The following NLRP5 variants were observed in gnomAD, a reference collection of about 807,000 sequenced individuals.
NLRP5 encodes the protein NACHT, LRR and PYD domains-containing protein 5.
NLRP5 carries 93 observed loss-of-function variants against 113.1 expected under a neutral mutation model. That is an observed-to-expected ratio of 0.82 (90% CI 0.70 to 0.98). The LOEUF (loss-of-function observed/expected upper bound fraction) is 0.98. NLRP5 is among the 50% of genes least tolerant of loss of function. The pLI is 0.00. For missense variants in NLRP5, 1,808 were observed against 1,514.3 expected, an observed-to-expected ratio of 1.19 and a Z score of -3.22; for synonymous variants, 751 against 600.7, an observed-to-expected ratio of 1.25 and a Z score of -3.66.
intron 3 of NLRP5, 85 bp downstream of exon 3, chr19:56,008,938 C>T: frequency 1.7e-6 from 2 of 1,148,500 alleles, no homozygotes; most frequent in South Asian, 1.3e-5. Context: ...AGAACCATGA[C>T]TTCTGATAGT....
intron 10 of NLRP5, among the ~76,000 whole-genome samples, chr19:56,039,262 G>C (rs1018876778): frequency 1.3e-5 from 2 of 152,198 alleles, no homozygotes; most frequent in Admixed American, 6.5e-5. Flanking sequence ...GCCACCCAGC[G>C]TGGCAGCCAT....
chr19:56,006,714 A>G (rs1184561813), intron 2 of NLRP5, among the ~76,000 whole-genome samples: 1 of 151,752 alleles, frequency 6.6e-6, no homozygotes, highest in Non-Finnish European at 1.5e-5. Context: ...CCTGGGTGAC[A>G]GAGCGAGACT....
chr19:56,039,121 C>G (rs993014203), intron 10 of NLRP5, among the ~76,000 whole-genome samples: 10 of 148,132 alleles, frequency 6.8e-5, no homozygotes, highest in African/African-American at 2.0e-4. Context: ...CAAAACAGGT[C>G]TACGGAGCAG....
At chr19:56,052,970 G>C (rs1227117470) in intron 12 of NLRP5, among the ~76,000 whole-genome samples, 1 of 152,264 alleles carries the variant, frequency 6.6e-6, no homozygotes, top group South Asian at 2.1e-4. Context: ...GGTGGCACAT[G>C]CCTGTAATCC....
At chr19:56,008,920 T>G in intron 3 of NLRP5, 67 bp downstream of exon 3, 449 of 1,347,982 alleles carry the variant, frequency 3.3e-4, no homozygotes, top group Non-Finnish European at 4.3e-4. Flanking sequence ...TTTGCATCTC[T>G]AGGCATTAGA....
At chr19:55,991,069 C>T in the NLRP5 span, among the ~76,000 whole-genome samples, 1 of 152,188 alleles carries the variant, frequency 6.6e-6, no homozygotes, top group East Asian at 1.9e-4. Context: ...TGTCATGTCT[C>T]AAATTTATTT....
At chr19:56,040,043 C>T (rs150189659) in intron 10 of NLRP5, among the ~76,000 whole-genome samples, 1,544 of 152,270 alleles carry the variant, frequency 0.01, 22 homozygotes, top group African/African-American at 0.035. Context: ...CTCTACCTCC[C>T]AGGCTCCAGG....
At position 56,061,478 on chromosome 19, in the gene NLRP5, G is replaced by C. The variant is rs114119582; in HGVS notation, c.3553G>C (p.Gly1185Arg). The change falls in exon 15 of 15, where the codon GGT becomes CGT. Residue 1185 changes from glycine to arginine, a missense_variant. Transcript: ENST00000390649. Reference sequence around the variant, plus strand: ...ACTCAAGCCCCGAGTCGTAATTGACGGTAGTTGGCATTCTTTTGATGAAGA... The same window carrying C: ...ACTCAAGCCCCGAGTCGTAATTGACCGTAGTTGGCATTCTTTTGATGAAGA... The C allele has an allele frequency of 2.5e-6, 4 of 1,613,880 alleles. No individual in the cohort carries two copies. The African/African-American group carries it at 4.0e-5, about 16-fold the overall frequency.
chr19:55,997,949 TA>T (rs913130078), upstream of NLRP5, among the ~76,000 whole-genome samples: 80 of 152,344 alleles, frequency 5.3e-4, no homozygotes, highest in Non-Finnish European at 8.1e-4. Context: ...TGAAGCTATA[TA>T]TTTTTTTATT....
intron 11 of NLRP5, among the ~76,000 whole-genome samples, chr19:56,042,735 T>C (rs1983567375): frequency 6.6e-6 from 1 of 152,158 alleles, no homozygotes; most frequent in Admixed American, 6.6e-5. Context: ...TTGAAGTCTT[T>C]TATCCCTCGC....
intron 9 of NLRP5, among the ~76,000 whole-genome samples, chr19:56,037,784 C>G (rs1383398747): frequency 6.6e-6 from 1 of 151,124 alleles, no homozygotes; most frequent in Non-Finnish European, 1.5e-5. Flanking sequence ...CATTTAAGGT[C>G]TGGCTTACCC....
chr19:56,024,419 TGTTATATATACACATATAC>T (rs1982742961), intron 6 of NLRP5, among the ~76,000 whole-genome samples: 1 of 124,738 alleles, frequency 8.0e-6, no homozygotes, highest in Non-Finnish European at 1.7e-5. Context: ...TATGTATATA[TGTTATATATACACATATAC>T]ATATATTTAT....
the NLRP5 span, among the ~76,000 whole-genome samples, chr19:55,993,031 T>C: frequency 6.6e-6 from 1 of 151,908 alleles, no homozygotes; most frequent in Non-Finnish European, 1.5e-5. Context: ...GTATTTTTAG[T>C]AGAGATGGGG....
chr19:56,008,258 G>C (rs1982027497), intron 2 of NLRP5, among the ~76,000 whole-genome samples: 1 of 152,086 alleles, frequency 6.6e-6, no homozygotes, highest in Non-Finnish European at 1.5e-5. Context: ...TAAATGCAGA[G>C]AGAGAGAACG....
chr19:56,041,236 C>T (rs1315023925), intron 11 of NLRP5, 144 bp downstream of exon 11: 1 of 773,708 alleles, frequency 1.3e-6, no homozygotes, highest in Non-Finnish European at 2.1e-6. Flanking sequence ...GTCCATGTCT[C>T]CTAGGTTTCA....
the NLRP5 span, among the ~76,000 whole-genome samples, chr19:55,992,057 G>T: frequency 6.6e-6 from 1 of 152,018 alleles, no homozygotes; most frequent in Non-Finnish European, 1.5e-5. Context: ...AGTATCTGTG[G>T]TTCCCCTCTT....
chr19:55,988,725 G>A, the NLRP5 span: 1 of 151,670 alleles, frequency 6.6e-6, no homozygotes, highest in African/African-American at 2.4e-5. Flanking sequence ...GGATTGTGTA[G>A]AGCGGTAAGG....
chr19:56,025,555 G>A (rs531424335), intron 6 of NLRP5, among the ~76,000 whole-genome samples: 13 of 142,194 alleles, frequency 9.1e-5, no homozygotes, highest in Non-Finnish European at 1.7e-4. Flanking sequence ...ACAGGCGCCC[G>A]CCAACATGTC....
chr19:56,014,538 C>G (rs1437938343), intron 3 of NLRP5, among the ~76,000 whole-genome samples: 1 of 151,420 alleles, frequency 6.6e-6, no homozygotes, highest in East Asian at 1.9e-4. Flanking sequence ...AATATTTCCT[C>G]TTAAGGATTT....
Sources: allele counts gnomAD v4.1 joint callset (sites outside exome capture counted in the v4.1 genomes callset), GRCh38; gene constraint gnomAD v4.1.1; transcripts MANE v1.5; gene names NCBI Gene and HGNC (gene_info 2026-07-23, HGNC 2026-07-21).